The following CIT variants were observed in gnomAD, a reference collection of about 807,000 sequenced individuals.
CIT encodes the protein citron Rho-interacting kinase.
In CIT, 79 loss-of-function variants were observed where a neutral mutation model predicts 272.7. That is an observed-to-expected ratio of 0.29 (90% CI 0.24 to 0.35). The LOEUF (loss-of-function observed/expected upper bound fraction) is 0.35. Ranked by LOEUF, CIT falls within the 10% of genes least tolerant of loss-of-function variation. CIT has a pLI of 1.00. For synonymous variants in CIT, 948 were observed against 995.6 expected, an observed-to-expected ratio of 0.95 and a Z score of 0.90; for missense variants, 1,909 against 2,618.3, an observed-to-expected ratio of 0.73 and a Z score of 5.91.
At chr12:119,809,629 C>T (rs1160200498) in intron 9 of CIT, among the ~76,000 whole-genome samples, 3 of 152,158 alleles carry the variant, frequency 2.0e-5, no homozygotes, top group Admixed American at 2.0e-4. Context: ...TAATCTTCCC[C>T]CACCTTTCTG....
intron 3 of CIT, among the ~76,000 whole-genome samples, chr12:119,861,271 A>C (rs1950328631): frequency 6.6e-6 from 1 of 152,004 alleles, no homozygotes; most frequent in African/African-American, 2.4e-5. Context: ...GGTAGAGATA[A>C]GGACCCAAAA....
chr12:119,712,800 C>T lies in CIT; in HGVS notation c.4580-105G>A, dbSNP rs1265193522. ...CAGCAAGGGAGAGAGAGACAGGGTACGTGTGTAAAGAGAGGCGCACGAGAA... is the reference window on the plus strand; with the variant it reads ...CAGCAAGGGAGAGAGAGACAGGGTATGTGTGTAAAGAGAGGCGCACGAGAA... On this transcript the variant is annotated intron_variant, in intron 35 of 47. Transcript: ENST00000392521. The surrounding 1 kb of genome is among the most constrained non-coding windows in gnomAD (Gnocchi z 5.2). 10 of 909,610 alleles carry T rather than the reference C, an allele frequency of 1.1e-5. No homozygotes were observed. The highest frequency in any genetic ancestry group is 4.4e-4 in the Middle Eastern group (2 of 4,548). 56.3% of individuals were successfully genotyped at this position (909,610 alleles called of 1,614,324 possible). A position where few individuals can be genotyped will look rare whatever the true frequency, so the allele number is the denominator to read the frequency against.
chr12:119,692,162 GA>G (rs1374561225), intron 46 of CIT, among the ~76,000 whole-genome samples: 17 of 152,118 alleles, frequency 1.1e-4, no homozygotes, highest in African/African-American at 3.9e-4. Context: ...AAAAATATTT[GA>G]AAAAGCCGGG....
chr12:119,821,363 G>T (rs1390139551), intron 9 of CIT, among the ~76,000 whole-genome samples: 1 of 152,102 alleles, frequency 6.6e-6, no homozygotes, highest in Non-Finnish European at 1.5e-5. Flanking sequence ...TACACTGGGA[G>T]CTGGGAGTCA....
At position 119,877,301 on chromosome 12, in the gene CIT, C is replaced by T. The variant is rs932554513; in HGVS notation, c.-66G>A. 6.6e-6 allele frequency: 1 copy of T among 152,364 alleles called. No homozygotes were observed. The highest frequency in any genetic ancestry group is 1.5e-5 in the Non-Finnish European group (1 of 68,164). The allele number at this position is 152,364 out of a possible 1,614,324, so 9.4% of individuals were successfully genotyped here. On this transcript the variant is annotated 5_prime_UTR_variant, in exon 1 of 48. Transcript: ENST00000392521. ...TGTTCCGCCCCGCGCCTCCCGCCGCCGCGTTTGAACCCGAGGAACGGCGCG... is the reference window on the plus strand; with the variant it reads ...TGTTCCGCCCCGCGCCTCCCGCCGCTGCGTTTGAACCCGAGGAACGGCGCG...
At chr12:119,735,395 AT>A (rs768689953) in intron 24 of CIT, 38 bp from the exon 25 acceptor site, 3 of 1,595,574 alleles carry the variant, frequency 1.9e-6, no homozygotes, top group Non-Finnish European at 2.6e-6. Context: ...CGCCAAGCAC[AT>A]TCATTTCAAA....
chr12:119,736,813 C>G (rs147544325), intron 24 of CIT, among the ~76,000 whole-genome samples: 1 of 152,164 alleles, frequency 6.6e-6, no homozygotes, highest in Non-Finnish European at 1.5e-5. Context: ...CCTTCCTGTA[C>G]GTAGTAAACC....
At position 119,710,947 on chromosome 12, in the gene CIT, G is replaced by T; in HGVS notation, c.4855-327C>A. On this transcript the variant is annotated intron_variant, in intron 37 of 47. Coordinates refer to ENST00000392521, the MANE Select transcript of CIT (RefSeq NM_001206999.2). The surrounding 1 kb of genome is among the most constrained non-coding windows in gnomAD (Gnocchi z 5.6). ...AGCTAAGGAGATTTCACCTGCGCAGGGTTAATAAGACACATGAAAGACTCC... is the reference window on the plus strand; with the variant it reads ...AGCTAAGGAGATTTCACCTGCGCAGTGTTAATAAGACACATGAAAGACTCC... 1.0e-6 allele frequency: 1 copy of T among 969,870 alleles called. No homozygotes were observed. The highest frequency in any genetic ancestry group is 1.5e-6 in the Non-Finnish European group (1 of 667,044). The allele number at this position is 969,870 out of a possible 1,614,324, so 60.1% of individuals were successfully genotyped here.
In CIT at chr12:119,713,031, A is replaced by G. The variant is rs1957251569; in HGVS notation, c.4579+172T>C. On this transcript the variant is annotated intron_variant, in intron 35 of 47. Transcript: ENST00000392521. This position sits in a 1 kb window ranked among gnomAD's most constrained non-coding sequence, Gnocchi z 5.2. ...GGTTCTTCAGGGGGGAGACCTATAG[A>G]TGTGAGTATCGCACCAATAACCTTT... is the stretch of plus-strand genomic sequence containing the variant. The G allele has an allele frequency of 1.5e-6, 1 of 660,804 alleles. No homozygotes were observed. The highest frequency in any genetic ancestry group is 2.7e-6 in the Non-Finnish European group (1 of 370,996). The allele number at this position is 660,804 out of a possible 1,614,324, so 40.9% of individuals were successfully genotyped here.
chr12:119,789,823 C>T (rs1271180725), intron 10 of CIT, among the ~76,000 whole-genome samples: 1 of 152,070 alleles, frequency 6.6e-6, no homozygotes, highest in Non-Finnish European at 1.5e-5. Context: ...TCCCCTGACT[C>T]AGCTCCCGAG....
intron 9 of CIT, among the ~76,000 whole-genome samples, chr12:119,816,857 T>A (rs1203708371): frequency 6.6e-6 from 1 of 152,250 alleles, no homozygotes; most frequent in East Asian, 1.9e-4. Flanking sequence ...GAGTCATTTT[T>A]GGTTGTTGCA....
chr12:119,824,116 A>ATATACAGTAAAAC (rs1566092969), intron 8 of CIT, among the ~76,000 whole-genome samples: 4 of 27,448 alleles, frequency 1.5e-4, no homozygotes, highest in African/African-American at 6.6e-4. Flanking sequence ...CTGTATATAT[A>ATATACAGTAAAAC]TATATATATA....
chr12:119,789,194 T>G (rs4766949), intron 10 of CIT, among the ~76,000 whole-genome samples: 1 of 151,942 alleles, frequency 6.6e-6, no homozygotes, highest in Non-Finnish European at 1.5e-5. Flanking sequence ...AGCTGCTGAG[T>G]GATTGTAATG....
intron 5 of CIT, among the ~76,000 whole-genome samples, chr12:119,848,657 A>G (rs1277894073): frequency 6.6e-6 from 1 of 152,238 alleles, no homozygotes; most frequent in Non-Finnish European, 1.5e-5. Flanking sequence ...GAAAGGCAAC[A>G]GCAAGCTGGA....
Position 119,734,062 on chromosome 12 carries a change from T to G in CIT, c.3350+102A>C, listed in dbSNP as rs1215184785. 3.3e-5 allele frequency: 43 copies of G among 1,307,268 alleles called. No homozygotes were observed. In the East Asian group the frequency reaches 1.0e-3, roughly 31 times the overall value. 81.0% of individuals were successfully genotyped at this position (1,307,268 alleles called of 1,614,324 possible). A position where few individuals can be genotyped will look rare whatever the true frequency, so the allele number is the denominator to read the frequency against. ...CCAGGAGGCTTGTGACCCAGGAAAC[T>G]TCTCAGTCTCGGCGGGAATAGCTGA... On this transcript the variant is annotated intron_variant, in intron 26 of 47. Coordinates refer to ENST00000392521, the MANE Select transcript of CIT (RefSeq NM_001206999.2).
chr12:119,759,360 C>T (rs1377047212), intron 20 of CIT, among the ~76,000 whole-genome samples: 3 of 152,178 alleles, frequency 2.0e-5, no homozygotes, highest in South Asian at 2.1e-4. Context: ...GAATCGAATG[C>T]CGCCAGCCGG....
intron 4 of CIT, among the ~76,000 whole-genome samples, chr12:119,852,579 T>C (rs111736691): frequency 0.025 from 3,804 of 151,834 alleles, 76 homozygotes; most frequent in Non-Finnish European, 0.036. Flanking sequence ...TAGCTGGGCA[T>C]GGTGGTGTGC....
chr12:119,749,224 C>T (rs1959877039), intron 23 of CIT, among the ~76,000 whole-genome samples: 1 of 152,192 alleles, frequency 6.6e-6, no homozygotes, highest in African/African-American at 2.4e-5. Flanking sequence ...ATGACTGCCT[C>T]TTACAATTAA....
In CIT at chr12:119,700,599, G is replaced by A; in HGVS notation, c.5623+146C>T. ...GGTTTCGCCATGTTGGTCAGGCTGGGCTCAAACTCCTGACCTCATGATCCA... is the reference window on the plus strand; with the variant it reads ...GGTTTCGCCATGTTGGTCAGGCTGGACTCAAACTCCTGACCTCATGATCCA... On this transcript the variant is annotated intron_variant, in intron 44 of 47. Coordinates refer to ENST00000392521, the MANE Select transcript of CIT (RefSeq NM_001206999.2). 4.4e-6 allele frequency: 3 copies of A among 682,438 alleles called. No homozygotes were observed. The South Asian group carries it at 4.7e-5, about 11-fold the overall frequency. 42.3% of individuals were successfully genotyped at this position (682,438 alleles called of 1,614,324 possible).
Sources: gnomAD v4.1 joint callset for allele counts (sites outside exome capture counted in the v4.1 genomes callset) on GRCh38, gnomAD v4.1.1 for gene constraint, Gnocchi (gnomAD v3.1) non-coding constraint, MANE v1.5 for transcripts, NCBI Gene and HGNC (gene_info 2026-07-23, HGNC 2026-07-21) for gene names.